Variants in PCSK5 observed in about 807,000 individuals in gnomAD.
PCSK5 encodes the protein proprotein convertase subtilisin/kexin type 5, also known as prohormone convertase 5.
A neutral mutation model predicts 233.2 loss-of-function variants in PCSK5; 129 were observed. The ratio of observed to expected loss-of-function variants is 0.55; its 90% CI spans 0.48 to 0.64. PCSK5 has a LOEUF of 0.64. Among genes scored for constraint, PCSK5 ranks in the 30% least tolerant of loss-of-function variants. The probability of loss-of-function intolerance (pLI) is 0.00; values close to 1 mark genes in which losing one functional copy is unlikely to be tolerated. For missense variants in PCSK5, 2,076 were observed against 2,430.1 expected, an observed-to-expected ratio of 0.85 and a Z score of 3.06; for synonymous variants, 825 against 879.2, an observed-to-expected ratio of 0.94 and a Z score of 1.09.
chr9:76,170,694 A>G (rs895216624), intron 13 of PCSK5, among the ~76,000 whole-genome samples: 2 of 152,194 alleles, frequency 1.3e-5, no homozygotes, highest in Non-Finnish European at 1.5e-5. Flanking sequence ...AAGTTTTAGG[A>G]CTGACATCCA....
intron 3 of PCSK5, among the ~76,000 whole-genome samples, chr9:76,001,810 TC>T (rs1827273952): frequency 1.3e-5 from 2 of 152,168 alleles, no homozygotes; most frequent in African/African-American, 4.8e-5. Context: ...TAGAATTTTG[TC>T]CAAGAAAATG....
intron 3 of PCSK5, among the ~76,000 whole-genome samples, chr9:76,009,411 G>A (rs995358188): frequency 9.9e-5 from 15 of 151,880 alleles, no homozygotes; most frequent in African/African-American, 3.1e-4. Context: ...GGTGGATCAC[G>A]AGGTCAGGAG....
chr9:76,336,013 G>C (rs1829667945), intron 34 of PCSK5, among the ~76,000 whole-genome samples: 1 of 152,148 alleles, frequency 6.6e-6, no homozygotes, highest in Non-Finnish European at 1.5e-5. Context: ...CCTCTGCTCT[G>C]TGTAGATTTC....
At chr9:76,128,114 T>C (rs1387711596) in intron 9 of PCSK5, among the ~76,000 whole-genome samples, 1 of 152,188 alleles carries the variant, frequency 6.6e-6, no homozygotes, top group Non-Finnish European at 1.5e-5. Flanking sequence ...AATTTATACA[T>C]GCTAAGTCCT....
intron 24 of PCSK5, among the ~76,000 whole-genome samples, chr9:76,263,356 T>C (rs1163741824): frequency 6.6e-6 from 1 of 152,098 alleles, no homozygotes; most frequent in Non-Finnish European, 1.5e-5. Flanking sequence ...CTATTCACAA[T>C]AGCAAAGACT....
chr9:76,042,970 G>A (rs1829187496), intron 5 of PCSK5, among the ~76,000 whole-genome samples: 1 of 152,176 alleles, frequency 6.6e-6, no homozygotes, highest in African/African-American at 2.4e-5. Context: ...TGAAGAGTTT[G>A]AGGTTTTAAT....
chr9:76,093,521 A>G (rs1425844083), intron 7 of PCSK5, among the ~76,000 whole-genome samples: 1 of 152,072 alleles, frequency 6.6e-6, no homozygotes, highest in Admixed American at 6.5e-5. Flanking sequence ...TACTTTTTAA[A>G]GATAGTTTAA....
At chr9:76,291,216 C>T (rs2803417) in intron 24 of PCSK5, among the ~76,000 whole-genome samples, 39,222 of 151,980 alleles carry the variant, frequency 0.26, 5,274 homozygotes, top group African/African-American at 0.32. Flanking sequence ...CCAAGATGAA[C>T]GTGTGACTAA....
intron 1 of PCSK5, among the ~76,000 whole-genome samples, chr9:75,910,065 T>C (rs930341997): frequency 2.6e-5 from 4 of 152,322 alleles, no homozygotes; most frequent in East Asian, 3.9e-4. Context: ...ACGATAGATA[T>C]ATAACATGAG....
At chr9:75,919,828 A>G (rs1823167610) in intron 1 of PCSK5, among the ~76,000 whole-genome samples, 1 of 152,140 alleles carries the variant, frequency 6.6e-6, no homozygotes, top group Admixed American at 6.6e-5. Context: ...TACAGGTGCT[A>G]ACTCTACCAG....
At chr9:76,327,937 CA>C in intron 32 of PCSK5, 71 bp from the exon 33 acceptor site, 4 of 911,846 alleles carry the variant, frequency 4.4e-6, no homozygotes, top group Non-Finnish European at 7.4e-6. Flanking sequence ...GACCCTTTCC[CA>C]GGGGAAGCCA....
chr9:76,092,320 G>T (rs146770669), intron 7 of PCSK5, among the ~76,000 whole-genome samples: 2 of 152,174 alleles, frequency 1.3e-5, no homozygotes, highest in Non-Finnish European at 2.9e-5. Context: ...TTGCCCAAAA[G>T]AAGACTATTG....
chr9:76,193,541 G>T, intron 20 of PCSK5: 2 of 482,768 alleles, frequency 4.1e-6, no homozygotes, highest in South Asian at 3.7e-5. Context: ...AACTTAAATG[G>T]AAAAAAAAAT....
At chr9:75,995,161 T>G (rs1260454886) in intron 3 of PCSK5, among the ~76,000 whole-genome samples, 1 of 152,214 alleles carries the variant, frequency 6.6e-6, no homozygotes, top group Non-Finnish European at 1.5e-5. Context: ...CCACTCCATT[T>G]GCTATATCAC....
chr9:76,158,495 C>T (rs1430402308), intron 11 of PCSK5, among the ~76,000 whole-genome samples: 1 of 152,128 alleles, frequency 6.6e-6, no homozygotes, highest in African/African-American at 2.4e-5. Context: ...AACCTATAGA[C>T]AAGAGGGAAG....
rs141745123 is a variant in PCSK5 at position 76,319,827 on chromosome 9, T to C, written c.3885-1595T>C. Among the ~76,000 whole-genome samples, 659 of 152,320 alleles carry C rather than the reference T, an allele frequency of 4.3e-3. 3 individuals are homozygous for C. Among genetic ancestry groups the C allele is most frequent in the African/African-American group, 0.014 (588 of 41,570 alleles). ...ACTCCTGGTTCCTCTTTGAACTTCA[T>C]AGTAGATAGCGGTAGAAGAAATAGT... On this transcript the variant is annotated intron_variant, in intron 30 of 37. Coordinates refer to ENST00000674117, the MANE Select transcript of PCSK5 (RefSeq NM_001372043.1).
At chr9:76,198,903 G>A (rs1464090261) in intron 20 of PCSK5, among the ~76,000 whole-genome samples, 1 of 152,154 alleles carries the variant, frequency 6.6e-6, no homozygotes, top group Non-Finnish European at 1.5e-5. Flanking sequence ...ACGTGCTAAG[G>A]TTCCATGCCC....
At position 76,060,743 on chromosome 9, in the gene PCSK5, C is replaced by T. The variant is rs544205767; in HGVS notation, c.633-7212C>T. Among the ~76,000 whole-genome samples, 4 of 152,160 alleles carry T rather than the reference C, an allele frequency of 2.6e-5. No individual in the cohort carries two copies. The South Asian group carries it at 8.3e-4, about 32-fold the overall frequency. Reference sequence around the variant, plus strand: ...TTGTTTGGAAAAAGAGGATTGATAACGTTAGACTTTGTATTGTTAGCTATT... The same window carrying T: ...TTGTTTGGAAAAAGAGGATTGATAATGTTAGACTTTGTATTGTTAGCTATT... On this transcript the variant is annotated intron_variant, in intron 5 of 37. Transcript: ENST00000674117.
At position 76,324,874 on chromosome 9, in the gene PCSK5, A is replaced by G. The variant is rs1044027986; in HGVS notation, c.4339+1586A>G. On this transcript the variant is annotated intron_variant, in intron 32 of 37. Coordinates refer to ENST00000674117, the MANE Select transcript of PCSK5 (RefSeq NM_001372043.1). ...CCCCCAAGCAAACACGACAAGATAG[A>G]TGTCCAGAGGCAATTCCCCTAACAA... Among the ~76,000 whole-genome samples, 15 of 152,066 alleles carry G rather than the reference A, an allele frequency of 9.9e-5. 1 individual carries two copies. In the Middle Eastern group the frequency reaches 0.014, roughly 138 times the overall value.
Sources: allele counts gnomAD v4.1 joint callset (sites outside exome capture counted in the v4.1 genomes callset), GRCh38; gene constraint gnomAD v4.1.1; transcripts MANE v1.5; gene names NCBI Gene and HGNC (gene_info 2026-07-23, HGNC 2026-07-21).